Variants in HECW2 observed in about 807,000 individuals in gnomAD.
The protein encoded by HECW2 is HECT, C2 and WW domain containing E3 ubiquitin protein ligase 2.
HECW2 carries 61 observed loss-of-function variants against 175.2 expected under a neutral mutation model. That is an observed-to-expected ratio of 0.35 (90% CI 0.28 to 0.43). The LOEUF (loss-of-function observed/expected upper bound fraction) is 0.43. Ranked by LOEUF, HECW2 falls within the 20% of genes least tolerant of loss-of-function variation. The pLI, the probability that HECW2 is intolerant of heterozygous loss-of-function variation, is 1.00. For missense variants in HECW2, 1,524 were observed against 2,000.5 expected (o/e 0.76, Z 4.54); for synonymous variants, 671 against 731.0 (o/e 0.92, Z 1.32).
In HECW2 at chr2:196,216,041, A is replaced by ACGT. The variant is rs1480525256; in HGVS notation, c.4495-67_4495-65dup. ...GAGACCAACAGCCAGGAAAGGCATCACGTCATTCACGGGCAGAGCTCCTGA... is the reference window on the plus strand; with the variant it reads ...GAGACCAACAGCCAGGAAAGGCATCACGTCGTCATTCACGGGCAGAGCTCCTGA... On this transcript the variant is annotated intron_variant, in intron 27 of 28. Transcript: ENST00000644978. 5 of 1,097,780 alleles carry ACGT rather than the reference A, an allele frequency of 4.6e-6. No individual in the cohort carries two copies. In the African/African-American group the frequency reaches 6.2e-5, roughly 14 times the overall value. The allele number at this position is 1,097,780 out of a possible 1,614,324, so 68.0% of individuals were successfully genotyped here. A position where few individuals can be genotyped will look rare whatever the true frequency, so the allele number is the denominator to read the frequency against.
Position 196,334,328 on chromosome 2 carries a change from T to C in HECW2, c.495+96A>G, listed in dbSNP as rs962446033. 7.9e-6 allele frequency: 7 copies of C among 885,960 alleles called. No individual in the cohort carries two copies. The Admixed American group carries it at 9.9e-5, about 13-fold the overall frequency. 54.9% of individuals were successfully genotyped at this position (885,960 alleles called of 1,614,324 possible). A position where few individuals can be genotyped will look rare whatever the true frequency, so the allele number is the denominator to read the frequency against. On this transcript the variant is annotated intron_variant, in intron 4 of 28. Transcript: ENST00000644978. ...ACACTGTTATGTGTTTCCTTTTTCA[T>C]TGTTCCTCATAACCCTGTCAGGGCC...
At chr2:196,358,590 A>C (rs1693470757) in intron 2 of HECW2, among the ~76,000 whole-genome samples, 1 of 110,748 alleles carries the variant, frequency 9.0e-6, no homozygotes, top group Non-Finnish European at 2.1e-5. Context: ...TGTCTCAAAA[A>C]AAAAAAAAAA....
chr2:196,211,969 TG>T (rs1170681112), intron 28 of HECW2, among the ~76,000 whole-genome samples: 1 of 152,168 alleles, frequency 6.6e-6, no homozygotes, highest in Admixed American at 6.5e-5. Context: ...CCCGAGTAGC[TG>T]GGACTATAGG....
chr2:196,464,249 T>G (rs925168931), intron 1 of HECW2, among the ~76,000 whole-genome samples: 1 of 152,184 alleles, frequency 6.6e-6, no homozygotes, highest in African/African-American at 2.4e-5. Flanking sequence ...TTTAGGGCCT[T>G]TAAACATACC....
chr2:196,290,185 A>C (rs1690554999), intron 14 of HECW2: 1 of 152,210 alleles, frequency 6.6e-6, no homozygotes, highest in Admixed American at 6.5e-5. Context: ...GCCAACTTCA[A>C]GTTGTAAGAC....
intron 1 of HECW2, among the ~76,000 whole-genome samples, chr2:196,453,731 G>C (rs1696417506): frequency 6.6e-6 from 1 of 152,052 alleles, no homozygotes; most frequent in African/African-American, 2.4e-5. Flanking sequence ...GGCAAACGAG[G>C]GTGGGACCTG....
chr2:196,278,133 A>AAAAAAAAAAAATATATATATATATATAT (rs531920307), intron 15 of HECW2, among the ~76,000 whole-genome samples: 9 of 66,566 alleles, frequency 1.4e-4, no homozygotes, highest in South Asian at 1.3e-3. Flanking sequence ...ATAATTAAAA[A>AAAAAAAAAAAATATATATATATATATAT]ATATATATAT....
chr2:196,490,684 C>T (rs1347023084), intron 1 of HECW2, among the ~76,000 whole-genome samples: 1 of 151,988 alleles, frequency 6.6e-6, no homozygotes, highest in Admixed American at 6.6e-5. Context: ...TTTATAAGGC[C>T]AAAAAGTAAA....
At chr2:196,507,441 A>G (rs565475201) in intron 1 of HECW2, among the ~76,000 whole-genome samples, 13 of 152,332 alleles carry the variant, frequency 8.5e-5, no homozygotes, top group Admixed American at 2.6e-4. Context: ...CAATGTCTAG[A>G]GATATTTCTG....
intron 1 of HECW2, among the ~76,000 whole-genome samples, chr2:196,588,317 T>C (rs1691061168): frequency 6.6e-6 from 1 of 152,206 alleles, no homozygotes; most frequent in African/African-American, 2.4e-5. Flanking sequence ...AACAAATAAA[T>C]GAATGGATGA....
intron 22 of HECW2, among the ~76,000 whole-genome samples, chr2:196,227,758 A>G (rs952386827): frequency 2.6e-5 from 4 of 152,174 alleles, no homozygotes; most frequent in Non-Finnish European, 4.4e-5. Context: ...ACCTCAGCTT[A>G]GAGCTCATAG....
At position 196,198,287 on chromosome 2, in the gene HECW2, A is replaced by G. The variant is rs1686751501; in HGVS notation, c.*2990T>C. 1 of 152,186 alleles carries G rather than the reference A, an allele frequency of 6.6e-6. No homozygotes were observed. The highest frequency in any genetic ancestry group is 1.5e-5 in the Non-Finnish European group (1 of 68,036). 9.4% of individuals were successfully genotyped at this position (152,186 alleles called of 1,614,324 possible). A position where few individuals can be genotyped will look rare whatever the true frequency, so the allele number is the denominator to read the frequency against. Reference sequence around the variant, plus strand: ...GCTTCAACACTTGACCAGTATTGACATACTATTACTTGCCATTGCTTCCCA... The same window carrying G: ...GCTTCAACACTTGACCAGTATTGACGTACTATTACTTGCCATTGCTTCCCA... On this transcript the variant is annotated 3_prime_UTR_variant, in exon 29 of 29. Transcript: ENST00000644978.
chr2:196,203,365 G>T (rs1390768143), intron 28 of HECW2, among the ~76,000 whole-genome samples: 8 of 152,116 alleles, frequency 5.3e-5, no homozygotes, highest in Non-Finnish European at 8.8e-5. Context: ...CTACACTAGA[G>T]TCCTAGCAGT....
In HECW2 at chr2:196,201,130, G is replaced by A; in HGVS notation, c.*147C>T. 1 of 626,918 alleles carries A rather than the reference G, an allele frequency of 1.6e-6. No homozygotes were observed. Among genetic ancestry groups the A allele is most frequent in the Non-Finnish European group, 2.9e-6 (1 of 342,496 alleles). The allele number at this position is 626,918 out of a possible 1,614,324, so 38.8% of individuals were successfully genotyped here. A position where few individuals can be genotyped will look rare whatever the true frequency, so the allele number is the denominator to read the frequency against. On this transcript the variant is annotated 3_prime_UTR_variant, in exon 29 of 29. Transcript: ENST00000644978. ...GAGGACTCATCTCCAGTCCCCAAATGTGACAGAGCACTTGTTCCTGGAAAA... is the reference window on the plus strand; with the variant it reads ...GAGGACTCATCTCCAGTCCCCAAATATGACAGAGCACTTGTTCCTGGAAAA...
At chr2:196,433,724 G>A (rs1328839920) in intron 1 of HECW2, among the ~76,000 whole-genome samples, 1 of 152,132 alleles carries the variant, frequency 6.6e-6, no homozygotes, top group Non-Finnish European at 1.5e-5. Flanking sequence ...AATCAAGGAG[G>A]AGAGGATTTC....
intron 1 of HECW2, among the ~76,000 whole-genome samples, chr2:196,506,568 G>A (rs1051381666): frequency 5.3e-5 from 8 of 151,632 alleles, no homozygotes; most frequent in African/African-American, 1.5e-4. Flanking sequence ...CTTATTTCAT[G>A]GACCAAAGGT....
chr2:196,316,568 C>T (rs1691706823), intron 10 of HECW2: 2 of 152,164 alleles, frequency 1.3e-5, no homozygotes, highest in South Asian at 4.1e-4. Flanking sequence ...AGAGCTACAT[C>T]TCTTTAAAGG....
At position 196,307,299 on chromosome 2, in the gene HECW2, A is replaced by G. The variant is rs551275874; in HGVS notation, c.2586-66T>C. ...AGAGATGGGACTCAACTGCTCCCCA[A>G]GAGTCTAGAACTTTTCACTATCTTC... On this transcript the variant is annotated intron_variant, in intron 11 of 28. Coordinates refer to ENST00000644978, the MANE Select transcript of HECW2 (RefSeq NM_001348768.2). The G allele has an allele frequency of 1.7e-4, 191 of 1,100,212 alleles. 3 individuals carry two copies. In the South Asian group the frequency reaches 2.3e-3, roughly 13 times the overall value. The allele number at this position is 1,100,212 out of a possible 1,614,324, so 68.2% of individuals were successfully genotyped here.
intron 1 of HECW2, among the ~76,000 whole-genome samples, chr2:196,540,265 T>C (rs563696873): frequency 1.2e-4 from 18 of 152,318 alleles, no homozygotes; most frequent in African/African-American, 4.1e-4. Context: ...GTTACTCCTT[T>C]AAACTTTTAA....
Sources: allele counts gnomAD v4.1 joint callset (sites outside exome capture counted in the v4.1 genomes callset), GRCh38; gene constraint gnomAD v4.1.1; transcripts MANE v1.5; gene names NCBI Gene and HGNC (gene_info 2026-07-23, HGNC 2026-07-21).